The following MAPK10 variants were observed in gnomAD, a reference collection of about 807,000 sequenced individuals.
The protein encoded by MAPK10 is JNK3 alpha protein kinase.
Under a neutral mutation model 59.3 loss-of-function variants are expected in MAPK10, and 25 were observed. The ratio of observed to expected loss-of-function variants is 0.42; its 90% CI spans 0.31 to 0.59. The LOEUF (loss-of-function observed/expected upper bound fraction) is 0.59, where lower values mean the gene tolerates loss of function less well. MAPK10 is among the 20% of genes least tolerant of loss of function. The pLI, the probability that MAPK10 is intolerant of heterozygous loss-of-function variation, is 0.15. For synonymous variants in MAPK10, 190 were observed against 200.5 expected, an observed-to-expected ratio of 0.95 and a Z score of 0.44; for missense variants, 351 against 568.9, an observed-to-expected ratio of 0.62 and a Z score of 3.90.
intron 2 of MAPK10, among the ~76,000 whole-genome samples, chr4:86,218,897 A>G (rs1032970841): frequency 6.6e-6 from 1 of 152,180 alleles, no homozygotes. Flanking sequence ...AATTAACCAT[A>G]AACTCAATAG....
intron 3 of MAPK10, among the ~76,000 whole-genome samples, chr4:86,169,858 C>T (rs975393958): frequency 2.9e-4 from 44 of 152,108 alleles, no homozygotes; most frequent in Admixed American, 5.2e-4. Flanking sequence ...AGACTAACAG[C>T]GGATCTCTCG....
rs1055859182 is a variant in MAPK10 at position 86,013,490 on chromosome 4, C to T, written c.*3738G>A. The stretch of plus-strand genomic sequence containing the variant: ...ATAACATGCCTTACAGAGCATAATG[C>T]ACTTAAGATGTGGCTTTTCATATGT... On this transcript the variant is annotated 3_prime_UTR_variant, in exon 14 of 14. Transcript: ENST00000641462. 6.6e-6 allele frequency: 1 copy of T among 152,144 alleles called. No homozygotes were observed. The highest frequency in any genetic ancestry group is 2.4e-5 in the African/African-American group (1 of 41,426). 9.4% of individuals were successfully genotyped at this position (152,144 alleles called of 1,614,324 possible). A position where few individuals can be genotyped will look rare whatever the true frequency, so the allele number is the denominator to read the frequency against.
intron 3 of MAPK10, among the ~76,000 whole-genome samples, chr4:86,184,278 G>T (rs1363734510): frequency 1.3e-5 from 2 of 151,816 alleles, no homozygotes; most frequent in Non-Finnish European, 2.9e-5. Context: ...TTTTATGTCG[G>T]TTGGTATGTT....
intron 2 of MAPK10, among the ~76,000 whole-genome samples, chr4:86,301,602 A>G (rs2095474375): frequency 6.6e-6 from 1 of 152,182 alleles, no homozygotes; most frequent in South Asian, 2.1e-4. Context: ...GGGCTTAAAT[A>G]CCAGAAACTC....
chr4:86,080,812 G>T (rs1397060209), intron 9 of MAPK10: 5 of 151,900 alleles, frequency 3.3e-5, no homozygotes, highest in Non-Finnish European at 7.4e-5. Context: ...TGAGAAGAAA[G>T]ATTAAAAGAA....
chr4:86,136,201 C>T (rs2149159809), intron 4 of MAPK10, among the ~76,000 whole-genome samples: 1 of 152,206 alleles, frequency 6.6e-6, no homozygotes, highest in Non-Finnish European at 1.5e-5. Context: ...AAAGATACTC[C>T]TCGAGAAGAG....
At chr4:86,265,984 CA>C (rs1257285014) in intron 2 of MAPK10, among the ~76,000 whole-genome samples, 62 of 152,238 alleles carry the variant, frequency 4.1e-4, no homozygotes, top group Non-Finnish European at 5.1e-4. Flanking sequence ...AGCATTTTCG[CA>C]TCTAACAATA....
chr4:86,078,135 G>C (rs980388448), intron 9 of MAPK10, among the ~76,000 whole-genome samples: 1 of 152,152 alleles, frequency 6.6e-6, no homozygotes, highest in African/African-American at 2.4e-5. Context: ...TGTAATCAAG[G>C]ATGGGATTAT....
chr4:86,579,059 A>G (rs1050655627), intron 1 of MAPK10, among the ~76,000 whole-genome samples: 4 of 152,186 alleles, frequency 2.6e-5, no homozygotes, highest in Admixed American at 2.6e-4. Context: ...GAAAAAACAA[A>G]TCTAACTTGG....
intron 1 of MAPK10, among the ~76,000 whole-genome samples, chr4:86,423,764 TATATAC>T (rs368916796): frequency 0.039 from 2,299 of 59,666 alleles, 96 homozygotes; most frequent in South Asian, 0.069. Flanking sequence ...TAGTGGGATA[TATATAC>T]ATATATATAT....
chr4:86,041,162 TA>T (rs1049724423), intron 11 of MAPK10, among the ~76,000 whole-genome samples: 1 of 152,002 alleles, frequency 6.6e-6, no homozygotes, highest in Non-Finnish European at 1.5e-5. Context: ...TAACAATAGC[TA>T]CAATAATGTG....
chr4:86,271,357 C>T (rs970317391), intron 2 of MAPK10, among the ~76,000 whole-genome samples: 29 of 151,992 alleles, frequency 1.9e-4, no homozygotes, highest in African/African-American at 7.0e-4. Context: ...CCCATTTCTT[C>T]AACTGGTTTG....
chr4:86,564,814 T>C (rs1349703858), intron 1 of MAPK10, among the ~76,000 whole-genome samples: 2 of 152,116 alleles, frequency 1.3e-5, no homozygotes, highest in Non-Finnish European at 2.9e-5. Flanking sequence ...ATTCTTCAAG[T>C]GTACAATCTC....
intron 5 of MAPK10, among the ~76,000 whole-genome samples, chr4:86,106,288 A>AC (rs2056516785): frequency 6.6e-6 from 1 of 152,048 alleles, no homozygotes; most frequent in Non-Finnish European, 1.5e-5. Context: ...ATAAAACCGC[A>AC]CTGGTAATGT....
At chr4:86,160,369 G>A (rs958041948) in intron 3 of MAPK10, 2 of 152,062 alleles carry the variant, frequency 1.3e-5, no homozygotes, top group African/African-American at 4.8e-5. Flanking sequence ...TACACTGGTG[G>A]ATGCCTTCCC....
chr4:86,345,967 T>G (rs918955403), intron 2 of MAPK10, among the ~76,000 whole-genome samples: 1 of 152,238 alleles, frequency 6.6e-6, no homozygotes, highest in Non-Finnish European at 1.5e-5. Flanking sequence ...TAGCAATGGT[T>G]GAAGTCTTCA....
chr4:86,416,567 C>T (rs1014723109), intron 1 of MAPK10, among the ~76,000 whole-genome samples: 14 of 152,150 alleles, frequency 9.2e-5, no homozygotes, highest in Non-Finnish European at 1.9e-4. Context: ...AGGGGATTAG[C>T]CAGGGAGGAT....
At chr4:86,557,142 A>C (rs1760332372) in intron 1 of MAPK10, among the ~76,000 whole-genome samples, 1 of 152,114 alleles carries the variant, frequency 6.6e-6, no homozygotes, top group Admixed American at 6.5e-5. Context: ...AAAAATGAGT[A>C]AAAAAGAAAT....
chr4:86,162,515 G>A (rs558492989), intron 3 of MAPK10, among the ~76,000 whole-genome samples: 8 of 151,966 alleles, frequency 5.3e-5, no homozygotes, highest in Non-Finnish European at 1.2e-4. Context: ...TGATGGTCTT[G>A]GCGCAAACTC....
Sources: allele counts gnomAD v4.1 joint callset (sites outside exome capture counted in the v4.1 genomes callset), GRCh38; gene constraint gnomAD v4.1.1; transcripts MANE v1.5; gene names NCBI Gene and HGNC (gene_info 2026-07-23, HGNC 2026-07-21).